GBE1: variants seen among roughly 807,000 people sequenced by gnomAD.
The protein encoded by GBE1 is 1,4-alpha-glucan branching enzyme 1.
GBE1 carries 70 observed loss-of-function variants against 88.8 expected under a neutral mutation model. That is an observed-to-expected ratio of 0.79 (90% CI 0.65 to 0.96). The LOEUF (loss-of-function observed/expected upper bound fraction) is 0.96, where lower values mean the gene tolerates loss of function less well. Among genes scored for constraint, GBE1 ranks in the 40% least tolerant of loss-of-function variants. GBE1 has a pLI of 0.00. For missense variants in GBE1, 872 were observed against 871.0 expected (o/e 1.00, Z -0.01); for synonymous variants, 284 against 300.1 (o/e 0.95, Z 0.56).
At chr3:81,503,887 G>T (rs1196228922) in intron 14 of GBE1, among the ~76,000 whole-genome samples, 2 of 152,108 alleles carry the variant, frequency 1.3e-5, no homozygotes, top group African/African-American at 4.8e-5. Flanking sequence ...TCACAGTTCT[G>T]CAGACCATAC....
intron 2 of GBE1, among the ~76,000 whole-genome samples, chr3:81,684,423 A>G (rs1057267480): frequency 6.6e-6 from 1 of 152,222 alleles, no homozygotes; most frequent in South Asian, 2.1e-4. Flanking sequence ...TCAGGGTGGC[A>G]GCACGGTCCA....
intron 1 of GBE1, among the ~76,000 whole-genome samples, chr3:81,713,840 G>A (rs912074740): frequency 6.6e-6 from 1 of 152,094 alleles, no homozygotes; most frequent in South Asian, 2.1e-4. Context: ...AAATGAAACT[G>A]AGCAAAGGTG....
chr3:81,604,993 T>A (rs1489619659), intron 7 of GBE1, among the ~76,000 whole-genome samples: 1 of 151,986 alleles, frequency 6.6e-6, no homozygotes, highest in African/African-American at 2.4e-5. Context: ...TATGCCTCAA[T>A]TTTTTTTAAA....
chr3:81,509,142 T>G (rs1031683785), intron 14 of GBE1, among the ~76,000 whole-genome samples: 1 of 152,114 alleles, frequency 6.6e-6, no homozygotes, highest in Admixed American at 6.6e-5. Context: ...CTTGGCCTCT[T>G]CTTCCTTTAT....
chr3:81,527,774 G>A (rs1702962205), intron 14 of GBE1, among the ~76,000 whole-genome samples: 1 of 152,110 alleles, frequency 6.6e-6, no homozygotes, highest in Non-Finnish European at 1.5e-5. Flanking sequence ...TAGTGGGAAT[G>A]TAAACTAGTT....
chr3:81,605,636 T>A (rs1704092711), intron 7 of GBE1, among the ~76,000 whole-genome samples: 1 of 152,166 alleles, frequency 6.6e-6, no homozygotes, highest in African/African-American at 2.4e-5. Context: ...ATGAATTATT[T>A]CATGTAATTC....
chr3:81,681,430 C>A (rs186197174), intron 2 of GBE1, among the ~76,000 whole-genome samples: 31 of 152,200 alleles, frequency 2.0e-4, no homozygotes, highest in African/African-American at 7.2e-4. Flanking sequence ...TCCTCTATAC[C>A]CTAAAACACA....
intron 2 of GBE1, among the ~76,000 whole-genome samples, chr3:81,680,890 T>C (rs1705331526): frequency 6.6e-6 from 1 of 152,220 alleles, no homozygotes; most frequent in African/African-American, 2.4e-5. Context: ...AACCCAACCA[T>C]GATGGCACCC....
At chr3:81,533,481 T>C (rs1576136301) in intron 14 of GBE1, among the ~76,000 whole-genome samples, 2 of 152,164 alleles carry the variant, frequency 1.3e-5, no homozygotes, top group African/African-American at 2.4e-5. Flanking sequence ...ATTGGCTGGG[T>C]GGGAAGAAAG....
At chr3:81,703,101 A>G (rs934466459) in intron 2 of GBE1, among the ~76,000 whole-genome samples, 1 of 151,964 alleles carries the variant, frequency 6.6e-6, no homozygotes, top group African/African-American at 2.4e-5. Context: ...CAATATCCTC[A>G]ACCTCTGCAT....
intron 1 of GBE1, among the ~76,000 whole-genome samples, chr3:81,760,369 A>G (rs1706662195): frequency 6.6e-6 from 1 of 152,244 alleles, no homozygotes; most frequent in African/African-American, 2.4e-5. Context: ...TCAAACTCCA[A>G]ATCAACCCAT....
At chr3:81,725,512 GTTAA>G (rs1358076792) in intron 1 of GBE1, among the ~76,000 whole-genome samples, 1 of 151,972 alleles carries the variant, frequency 6.6e-6, no homozygotes, top group Non-Finnish European at 1.5e-5. Flanking sequence ...ATGCTTTATA[GTTAA>G]TTAATTTTTT....
chr3:81,755,296 G>A (rs977103957), intron 1 of GBE1, among the ~76,000 whole-genome samples: 5 of 151,936 alleles, frequency 3.3e-5, no homozygotes, highest in African/African-American at 4.8e-5. Flanking sequence ...AAAATAGCTT[G>A]TATCAAAAAC....
chr3:81,720,532 T>G (rs1275113169), intron 1 of GBE1, among the ~76,000 whole-genome samples: 3 of 152,078 alleles, frequency 2.0e-5, no homozygotes, highest in African/African-American at 7.2e-5. Context: ...CATTACCTAT[T>G]TTATTCTTTT....
At chr3:81,567,402 G>A (rs1017283439) in intron 12 of GBE1, among the ~76,000 whole-genome samples, 1 of 152,098 alleles carries the variant, frequency 6.6e-6, no homozygotes, top group African/African-American at 2.4e-5. Flanking sequence ...GACCTCATTA[G>A]TATCATGGCT....
chr3:81,504,016 C>A (rs1209861442), intron 14 of GBE1, among the ~76,000 whole-genome samples: 1 of 151,996 alleles, frequency 6.6e-6, no homozygotes, highest in Non-Finnish European at 1.5e-5. Context: ...CAAGAGAGAG[C>A]AAGGAGGAGG....
intron 7 of GBE1, among the ~76,000 whole-genome samples, chr3:81,608,987 C>A (rs761687858): frequency 6.6e-6 from 1 of 151,982 alleles, no homozygotes; most frequent in African/African-American, 2.4e-5. Flanking sequence ...CTGGGTTGAA[C>A]GAAGAATCAC....
intron 14 of GBE1, among the ~76,000 whole-genome samples, chr3:81,518,039 T>C (rs1702821126): frequency 1.3e-5 from 2 of 151,376 alleles, no homozygotes; most frequent in South Asian, 4.1e-4. Flanking sequence ...CACATAATAG[T>C]ATCTCCTTTT....
intron 12 of GBE1, among the ~76,000 whole-genome samples, chr3:81,547,225 C>T (rs370983797): frequency 1.1e-4 from 16 of 151,490 alleles, no homozygotes; most frequent in African/African-American, 3.4e-4. Flanking sequence ...AAGGCAAGGA[C>T]GCTTGACTGA....
Sources: allele counts gnomAD v4.1 joint callset (sites outside exome capture counted in the v4.1 genomes callset), GRCh38; gene constraint gnomAD v4.1.1; transcripts MANE v1.5; gene names NCBI Gene and HGNC (gene_info 2026-07-23, HGNC 2026-07-21).